The following LRP11 variants were observed in gnomAD, a reference collection of about 807,000 sequenced individuals.
LRP11 encodes the protein low-density lipoprotein receptor-related protein 11.
Under a neutral mutation model 43.1 loss-of-function variants are expected in LRP11, and 25 were observed. The observed-to-expected ratio is 0.58, with a 90% confidence interval of 0.42 to 0.81. LRP11 has a LOEUF of 0.81. LRP11 is among the 30% of genes least tolerant of loss of function. The pLI is 0.00. For missense variants in LRP11, 623 were observed against 665.1 expected (o/e 0.94, Z 0.70); for synonymous variants, 316 against 299.4 (o/e 1.06, Z -0.57).
chr6:149,859,373 G>T, intron 1 of LRP11, among the ~76,000 whole-genome samples: 1 of 86,044 alleles, frequency 1.2e-5, no homozygotes, highest in Non-Finnish European at 2.1e-5. Flanking sequence ...TTTTCTTGCT[G>T]ACTCATATAT....
chr6:149,863,782 C>G lies in LRP11; in HGVS notation c.239G>C (p.Arg80Pro), dbSNP rs1176921552. ...GTCCTCCTGGGGGCCGCCGCCCGCG[C>G]GCAGCTCCAGCTCCAGCTCCTCCTG... The part of the protein sequence containing the change: ...RPQEELELEL[R>P]AGGGPQEDCP... Residue 80 changes from arginine (R) to proline (P), a missense_variant, in exon 1 of 7, where the codon CGC becomes CCC. Physicochemically the swap from Arg to Pro is moderately radical, Grantham distance 103. Transcript: ENST00000239367. 7 of 1,480,820 alleles carry G rather than the reference C, an allele frequency of 4.7e-6. No individual in the cohort carries two copies. The highest frequency in any genetic ancestry group is 6.2e-6 in the Non-Finnish European group (7 of 1,122,684). 91.7% of individuals were successfully genotyped at this position (1,480,820 alleles called of 1,614,324 possible).
intron 1 of LRP11, among the ~76,000 whole-genome samples, chr6:149,857,504 CAAA>C (rs78898379): frequency 2.6e-4 from 31 of 120,772 alleles, no homozygotes; most frequent in Non-Finnish European, 3.1e-4. Flanking sequence ...GTCCCTGTGT[CAAA>C]AAAAAAAAAA....
intron 1 of LRP11, among the ~76,000 whole-genome samples, chr6:149,861,096 T>A (rs537348679): frequency 6.6e-6 from 1 of 152,290 alleles, no homozygotes; most frequent in East Asian, 1.9e-4. Context: ...CTCAGATGGA[T>A]CCAGTCACAG....
At chr6:149,837,717 G>C (rs533705401) in intron 3 of LRP11, among the ~76,000 whole-genome samples, 1 of 152,104 alleles carries the variant, frequency 6.6e-6, no homozygotes, top group Non-Finnish European at 1.5e-5. Flanking sequence ...CTTGCCAGGA[G>C]GTGGCACACA....
intron 2 of LRP11, among the ~76,000 whole-genome samples, chr6:149,843,896 C>G (rs540940755): frequency 6.6e-6 from 1 of 152,210 alleles, no homozygotes; most frequent in African/African-American, 2.4e-5. Flanking sequence ...ACAGTGCTGG[C>G]AAAACTCACT....
intron 1 of LRP11, among the ~76,000 whole-genome samples, chr6:149,857,659 T>G (rs938261815): frequency 2.6e-5 from 4 of 152,212 alleles, no homozygotes; most frequent in Non-Finnish European, 4.4e-5. Flanking sequence ...TTATAAAACC[T>G]AAGTTCAGTG....
chr6:149,863,924 G>T lies in LRP11; in HGVS notation c.97C>A (p.Pro33Thr). 1 of 1,477,252 alleles carries T rather than the reference G, an allele frequency of 6.8e-7. No homozygotes were observed. The highest frequency in any genetic ancestry group is 8.9e-7 in the Non-Finnish European group (1 of 1,121,328). 91.5% of individuals were successfully genotyped at this position (1,477,252 alleles called of 1,614,324 possible). A position where few individuals can be genotyped will look rare whatever the true frequency, so the allele number is the denominator to read the frequency against. Residue 33 changes from proline (P) to threonine (T), a missense_variant, in exon 1 of 7, where the codon CCA becomes ACA. By Grantham distance (38) the Pro-to-Thr change is conservative. Coordinates refer to ENST00000239367, the MANE Select transcript of LRP11 (RefSeq NM_032832.6). ...GGCGGCAAGGCCGCACGGCCGCTTG[G>T]CAGCCACAGGCAGAGCAGTAGCAGC... ...RGLLLLCLWL[P>T]SGRAALPPAA...
chr6:149,863,435 C>A lies in LRP11; in HGVS notation c.586G>T (p.Ala196Ser). 2 of 1,314,104 alleles carry A rather than the reference C, an allele frequency of 1.5e-6. No homozygotes were observed. The highest frequency in any genetic ancestry group is 1.9e-6 in the Non-Finnish European group (2 of 1,039,652). 81.4% of individuals were successfully genotyped at this position (1,314,104 alleles called of 1,614,324 possible). Residue 196 changes from alanine (A) to serine (S), a missense_variant, in exon 1 of 7, where the codon GCC (alanine) becomes TCC (serine). By Grantham distance (99) the Ala-to-Ser change is moderately conservative (BLOSUM62 1). Coordinates refer to ENST00000239367, the MANE Select transcript of LRP11 (RefSeq NM_032832.6). Reference protein sequence around the residue: ...LSRAPDGAALATARASPRQEK... With the variant: ...LSRAPDGAALSTARASPRQEK... The stretch of plus-strand genomic sequence containing the variant: ...TGCCGGGGCGAGGCGCGCGCGGTGG[C>A]CAGGGCGGCGCCGTCCGGCGCGCGG...
chr6:149,824,550 TG>T (rs1212346588), intron 6 of LRP11, among the ~76,000 whole-genome samples: 1 of 152,190 alleles, frequency 6.6e-6, no homozygotes, highest in Non-Finnish European at 1.5e-5. Context: ...TTCATATGAA[TG>T]GGGGTGACAT....
chr6:149,864,316 G>A lies in LRP11; in HGVS notation c.-296C>T. ...GGCCTGCGGCGCGCTGGGTGGCGAC[G>A]AGTCGGCCTCGGCGTTGATCAGCAC... On this transcript the variant is annotated 5_prime_UTR_variant, in exon 1 of 7. Coordinates refer to ENST00000239367, the MANE Select transcript of LRP11 (RefSeq NM_032832.6). 2 of 1,029,316 alleles carry A rather than the reference G, an allele frequency of 1.9e-6. No individual in the cohort carries two copies. The highest frequency in any genetic ancestry group is 2.3e-6 in the Non-Finnish European group (2 of 859,322). 63.8% of individuals were successfully genotyped at this position (1,029,316 alleles called of 1,614,324 possible). A position where few individuals can be genotyped will look rare whatever the true frequency, so the allele number is the denominator to read the frequency against.
At chr6:149,843,287 C>T (rs972310622) in intron 2 of LRP11, among the ~76,000 whole-genome samples, 163 bp from the exon 3 acceptor site, 3 of 152,228 alleles carry the variant, frequency 2.0e-5, no homozygotes, top group Admixed American at 2.0e-4. Context: ...GCAGCTGGCC[C>T]ACCTTGAACT....
chr6:149,845,437 C>G (rs188898656), intron 2 of LRP11, among the ~76,000 whole-genome samples: 3 of 152,206 alleles, frequency 2.0e-5, no homozygotes, highest in Non-Finnish European at 4.4e-5. Context: ...CCTGCAAAAG[C>G]CTTACTTTGG....
At chr6:149,847,018 A>AATAGAATAGAATAGAATAGAATAG (rs1554259676) in intron 2 of LRP11, among the ~76,000 whole-genome samples, 1 of 116,904 alleles carries the variant, frequency 8.6e-6, no homozygotes, top group Non-Finnish European at 2.0e-5. Flanking sequence ...GAATAGAATA[A>AATAGAATAGAATAGAATAGAATAG]ACCAAGGAAG....
intron 2 of LRP11, among the ~76,000 whole-genome samples, chr6:149,843,815 T>C (rs763267686): frequency 1.3e-5 from 2 of 152,172 alleles, no homozygotes; most frequent in Non-Finnish European, 2.9e-5. Context: ...GTGCTTGCTG[T>C]TTCTGTTTGC....
chr6:149,829,476 G>A (rs1776381916), intron 5 of LRP11, among the ~76,000 whole-genome samples: 1 of 151,888 alleles, frequency 6.6e-6, no homozygotes. Flanking sequence ...CAGGTGAATC[G>A]CTTGAATTTG....
At chr6:149,846,683 A>G (rs1354393199) in intron 2 of LRP11, among the ~76,000 whole-genome samples, 2 of 152,170 alleles carry the variant, frequency 1.3e-5, no homozygotes, top group Admixed American at 6.6e-5. Flanking sequence ...CACGCCTGTA[A>G]TCTCACCACT....
intron 1 of LRP11, among the ~76,000 whole-genome samples, chr6:149,861,550 G>C (rs934590185): frequency 6.6e-6 from 1 of 152,198 alleles, no homozygotes; most frequent in Admixed American, 6.5e-5. Context: ...GTCTCCCTCT[G>C]TTGCCCAGGC....
chr6:149,826,080 G>T, intron 6 of LRP11, 184 bp downstream of exon 6: 1 of 594,414 alleles, frequency 1.7e-6, no homozygotes. Context: ...TCCAAAGATG[G>T]AAGGTTACTA....
intron 3 of LRP11, among the ~76,000 whole-genome samples, chr6:149,840,442 T>C (rs1776528966): frequency 6.6e-6 from 1 of 152,196 alleles, no homozygotes; most frequent in Admixed American, 6.5e-5. Flanking sequence ...CTCTGCTACT[T>C]CAAATACAGT....
Sources: allele counts gnomAD v4.1 joint callset (sites outside exome capture counted in the v4.1 genomes callset), GRCh38; gene constraint gnomAD v4.1.1; transcripts MANE v1.5; gene names NCBI Gene and HGNC (gene_info 2026-07-23, HGNC 2026-07-21).